CALN1: variants seen among roughly 807,000 people sequenced by gnomAD.
CALN1 encodes the protein calcium-binding protein 8.
A neutral mutation model predicts 30.6 loss-of-function variants in CALN1; 17 were observed. The observed-to-expected ratio is 0.56, with a 90% confidence interval of 0.38 to 0.83. The LOEUF (loss-of-function observed/expected upper bound fraction) is 0.83. CALN1 is among the 40% of genes least tolerant of loss of function. The probability of loss-of-function intolerance (pLI) is 0.00; values close to 1 mark genes in which losing one functional copy is unlikely to be tolerated. For synonymous variants in CALN1, 156 were observed against 131.4 expected (o/e 1.19, Z -1.28); for missense variants, 291 against 354.9 (o/e 0.82, Z 1.45).
At chr7:71,847,718 A>G (rs760830260) in intron 5 of CALN1, among the ~76,000 whole-genome samples, 1 of 96,346 alleles carries the variant, frequency 1.0e-5, no homozygotes, top group Admixed American at 1.1e-4. Flanking sequence ...GAAAGAAGAA[A>G]GAAGAAGAAA....
chr7:71,862,190 T>C (rs951166279), intron 5 of CALN1, among the ~76,000 whole-genome samples: 1 of 152,212 alleles, frequency 6.6e-6, no homozygotes, highest in Non-Finnish European at 1.5e-5. Context: ...CTTACGCCCC[T>C]TTGAAAAATC....
At chr7:72,067,090 G>T (rs540976496) in intron 4 of CALN1, among the ~76,000 whole-genome samples, 1 of 152,070 alleles carries the variant, frequency 6.6e-6, no homozygotes, top group African/African-American at 2.4e-5. Flanking sequence ...CGCCCAGCTG[G>T]AACTATAATT....
chr7:72,257,125 A>AAG (rs1390818276), intron 3 of CALN1, among the ~76,000 whole-genome samples: 1 of 152,196 alleles, frequency 6.6e-6, no homozygotes, highest in Non-Finnish European at 1.5e-5. Context: ...ACATGGCGGC[A>AAG]AGAGAGAGAG....
the CALN1 span, among the ~76,000 whole-genome samples, chr7:72,496,058 C>A: frequency 6.6e-6 from 1 of 152,128 alleles, no homozygotes; most frequent in Non-Finnish European, 1.5e-5. Context: ...GTAGCTGGGA[C>A]TACAGGCATG....
intron 4 of CALN1, among the ~76,000 whole-genome samples, chr7:72,048,041 CTTT>C (rs1159186115): frequency 8.6e-5 from 11 of 127,594 alleles, no homozygotes; most frequent in Admixed American, 6.6e-4. Context: ...TCTTCTTCTT[CTTT>C]TTTTTTTTTT....
intron 2 of CALN1, among the ~76,000 whole-genome samples, chr7:72,306,715 C>A (rs1280606334): frequency 6.6e-6 from 1 of 151,954 alleles, no homozygotes; most frequent in African/African-American, 2.4e-5. Context: ...TGAGTTATCC[C>A]CTCTTTCTGG....
intron 3 of CALN1, among the ~76,000 whole-genome samples, chr7:72,196,019 CAG>C (rs71871332): frequency 0.024 from 3,614 of 152,160 alleles, 145 homozygotes; most frequent in African/African-American, 0.082. Flanking sequence ...AATAAGCAAA[CAG>C]AGAGAGACAG....
At chr7:72,487,890 A>AAAAG in the CALN1 span, among the ~76,000 whole-genome samples, 3,778 of 59,994 alleles carry the variant, frequency 0.063, 172 homozygotes, top group Middle Eastern at 0.11. Context: ...GAAAGAAAAG[A>AAAAG]AAAGAAAGAA....
At chr7:72,201,737 TAAA>T (rs778266725) in intron 3 of CALN1, among the ~76,000 whole-genome samples, 1 of 117,854 alleles carries the variant, frequency 8.5e-6, no homozygotes, top group South Asian at 2.7e-4. Context: ...TGAATCTGAT[TAAA>T]AAAAAAAAAA....
intron 5 of CALN1, among the ~76,000 whole-genome samples, chr7:71,919,546 A>C (rs952168333): frequency 6.6e-6 from 1 of 152,228 alleles, no homozygotes; most frequent in Admixed American, 6.5e-5. Flanking sequence ...AGTAAAGAGA[A>C]TATTACAATT....
chr7:72,422,379 A>G (rs1466462674), intron 1 of CALN1, among the ~76,000 whole-genome samples: 1 of 152,208 alleles, frequency 6.6e-6, no homozygotes, highest in East Asian at 1.9e-4. Context: ...CCCGGTGATT[A>G]GTGATGTTGA....
intron 5 of CALN1, among the ~76,000 whole-genome samples, chr7:71,901,687 T>C (rs1274521451): frequency 6.6e-6 from 1 of 152,128 alleles, no homozygotes; most frequent in East Asian, 1.9e-4. Flanking sequence ...CCCTATTCAA[T>C]AAATGGTTCT....
the CALN1 span, among the ~76,000 whole-genome samples, chr7:72,503,145 C>CA: frequency 1.4e-3 from 211 of 150,002 alleles, no homozygotes; most frequent in African/African-American, 5.0e-3. Flanking sequence ...GACAGCATCT[C>CA]AAAAAAAGAA....
At chr7:72,190,570 C>G (rs1790527877) in intron 3 of CALN1, among the ~76,000 whole-genome samples, 1 of 152,176 alleles carries the variant, frequency 6.6e-6, no homozygotes, top group African/African-American at 2.4e-5. Context: ...AAAAGTGAGT[C>G]TTATTTCTGA....
chr7:72,211,289 A>C (rs1419680098), intron 3 of CALN1, among the ~76,000 whole-genome samples: 1 of 151,480 alleles, frequency 6.6e-6, no homozygotes, highest in Non-Finnish European at 1.5e-5. Flanking sequence ...CAAACCCATT[A>C]CTCTGTTGCA....
Position 72,408,663 on chromosome 7 carries a change from T to G in CALN1, c.-74+3395A>C, listed in dbSNP as rs970874869. Among the ~76,000 whole-genome samples, 196 of 122,746 alleles carry G rather than the reference T, an allele frequency of 1.6e-3. 1 individual carries two copies. Among genetic ancestry groups the G allele is most frequent in the African/African-American group, 5.3e-3 (169 of 32,178 alleles). The allele number at this position is 122,746 out of a possible 152,430, so 80.5% of individuals were successfully genotyped here. Reference sequence around the variant, plus strand: ...AAAAGACATACAAATGACCACCAATTATTATCTTTTCCTTTTTTTTTTTTT... The same window carrying G: ...AAAAGACATACAAATGACCACCAATGATTATCTTTTCCTTTTTTTTTTTTT... On this transcript the variant is annotated intron_variant, in intron 1 of 6. Coordinates refer to ENST00000395275, the MANE Select transcript of CALN1 (RefSeq NM_031468.4).
rs539917974 is a variant in CALN1 at position 72,390,158 on chromosome 7, C to T, written c.119+13093G>A. ...AAATAAGGGGGATTGGGGCCGGGCA[C>T]GGCGACTCACCCCTGTAATCCCAGC... On this transcript the variant is annotated intron_variant, in intron 2 of 6. Coordinates refer to ENST00000395275, the MANE Select transcript of CALN1 (RefSeq NM_031468.4). 1.3e-3 allele frequency among the ~76,000 whole-genome samples: 192 copies of T among 151,840 alleles called. 7 individuals carry two copies. Among genetic ancestry groups the T allele is most frequent in the African/African-American group, 4.3e-3 (178 of 41,326 alleles).
At chr7:72,334,252 C>T (rs918965502) in intron 2 of CALN1, among the ~76,000 whole-genome samples, 5 of 152,154 alleles carry the variant, frequency 3.3e-5, no homozygotes, top group South Asian at 2.1e-4. Context: ...AGAACCAGTG[C>T]CCCCTTCTGA....
intron 2 of CALN1, among the ~76,000 whole-genome samples, chr7:72,377,251 G>C (rs1804615654): frequency 1.3e-5 from 2 of 152,128 alleles, no homozygotes; most frequent in Admixed American, 6.5e-5. Context: ...GTTGCATTGA[G>C]TCTGCAGGTC....
Sources: gnomAD v4.1 joint callset for allele counts (sites outside exome capture counted in the v4.1 genomes callset) on GRCh38, gnomAD v4.1.1 for gene constraint, MANE v1.5 for transcripts, NCBI Gene and HGNC (gene_info 2026-07-23, HGNC 2026-07-21) for gene names.